Variants in ZNF385B observed in about 807,000 individuals in gnomAD.
ZNF385B encodes zinc finger protein 533.
In ZNF385B, 23 loss-of-function variants were observed where a neutral mutation model predicts 39.2. The ratio of observed to expected loss-of-function variants is 0.59; its 90% CI spans 0.42 to 0.83. The LOEUF is 0.83. ZNF385B is among the 40% of genes least tolerant of loss of function. ZNF385B has a pLI of 0.00. For missense variants in ZNF385B, 552 were observed against 598.9 expected (o/e 0.92, Z 0.82); for synonymous variants, 205 against 222.6 (o/e 0.92, Z 0.70).
intron 3 of ZNF385B, among the ~76,000 whole-genome samples, chr2:179,612,370 G>C (rs910749063): frequency 2.6e-5 from 4 of 152,016 alleles, no homozygotes; most frequent in African/African-American, 7.2e-5. Flanking sequence ...TCTTGGAGAG[G>C]CTTTCCAAGT....
intron 1 of ZNF385B, among the ~76,000 whole-genome samples, chr2:179,805,911 T>A (rs1389055681): frequency 2.0e-5 from 3 of 152,162 alleles, no homozygotes; most frequent in Non-Finnish European, 4.4e-5. Flanking sequence ...ATGCTAGACA[T>A]AAAAATAAAT....
intron 1 of ZNF385B, among the ~76,000 whole-genome samples, chr2:179,859,799 A>C (rs1684896453): frequency 6.6e-6 from 1 of 152,212 alleles, no homozygotes; most frequent in African/African-American, 2.4e-5. Context: ...TTGCATTCTA[A>C]AGGCATTTAT....
At chr2:179,503,125 T>C (rs149371646) in intron 5 of ZNF385B, among the ~76,000 whole-genome samples, 1 of 152,298 alleles carries the variant, frequency 6.6e-6, no homozygotes, top group East Asian at 1.9e-4. Flanking sequence ...TCTGACTGTC[T>C]CAGCTTCCCC....
intron 8 of ZNF385B, 47 bp downstream of exon 8, chr2:179,445,503 A>C: frequency 6.4e-7 from 1 of 1,555,340 alleles, no homozygotes; most frequent in Non-Finnish European, 8.7e-7. Context: ...ATACACAGTC[A>C]AGTGGTGACC....
intron 3 of ZNF385B, among the ~76,000 whole-genome samples, chr2:179,580,566 G>A (rs939230801): frequency 9.2e-5 from 14 of 152,236 alleles, no homozygotes; most frequent in African/African-American, 3.1e-4. Flanking sequence ...AAGGTCAAAT[G>A]AGGTAATAAA....
chr2:179,588,718 T>A (rs1687307267), intron 3 of ZNF385B, among the ~76,000 whole-genome samples: 1 of 152,194 alleles, frequency 6.6e-6, no homozygotes, highest in African/African-American at 2.4e-5. Flanking sequence ...GCCTGCCTAG[T>A]GACTGAAGAT....
At chr2:179,573,040 AT>A (rs780262012) in intron 3 of ZNF385B, among the ~76,000 whole-genome samples, 3 of 152,224 alleles carry the variant, frequency 2.0e-5, no homozygotes, top group Non-Finnish European at 4.4e-5. Flanking sequence ...ATTTTCAGAT[AT>A]TTCAAATCTT....
intron 4 of ZNF385B, among the ~76,000 whole-genome samples, chr2:179,529,077 G>A (rs574122187): frequency 4.6e-5 from 7 of 152,232 alleles, no homozygotes; most frequent in South Asian, 2.1e-4. Context: ...TGTTTTTGGC[G>A]TTGATGTTCC....
intron 5 of ZNF385B, among the ~76,000 whole-genome samples, chr2:179,509,563 C>T (rs919418863): frequency 6.6e-6 from 1 of 152,120 alleles, no homozygotes; most frequent in African/African-American, 2.4e-5. Flanking sequence ...TTCCCAAGTT[C>T]CTGAGATTTA....
Position 179,542,492 on chromosome 2 carries a change from T to G in ZNF385B, c.441+2335A>C, listed in dbSNP as rs563538632. On this transcript the variant is annotated intron_variant, in intron 4 of 9. Coordinates refer to ENST00000410066, the MANE Select transcript of ZNF385B (RefSeq NM_152520.6). ...AATGAACTTCTATTAATATAATTAT[T>G]CTTTGGGTTTTCTCAAATATATCAT... Among the ~76,000 whole-genome samples, 17 of 152,324 alleles carry G rather than the reference T, an allele frequency of 1.1e-4. No homozygotes were observed. The East Asian group carries it at 3.3e-3, about 29-fold the overall frequency.
intron 3 of ZNF385B, among the ~76,000 whole-genome samples, chr2:179,766,869 T>A (rs1237812787): frequency 6.6e-6 from 1 of 152,170 alleles, no homozygotes; most frequent in Non-Finnish European, 1.5e-5. Context: ...TTTTGTTTCT[T>A]ATTTAGGCGC....
At chr2:179,493,706 TACAC>T (rs1491258260) in intron 5 of ZNF385B, among the ~76,000 whole-genome samples, 13 of 135,776 alleles carry the variant, frequency 9.6e-5, no homozygotes, top group African/African-American at 3.4e-4. Context: ...CATATATGTA[TACAC>T]ATATGCATAT....
chr2:179,469,450 T>G (rs1368002477), intron 6 of ZNF385B, among the ~76,000 whole-genome samples: 1 of 152,118 alleles, frequency 6.6e-6, no homozygotes, highest in Non-Finnish European at 1.5e-5. Context: ...TTGTGTGAGG[T>G]CTAAGAACTC....
In ZNF385B at chr2:179,532,856, C is replaced by T. The variant is rs142741992; in HGVS notation, c.441+11971G>A. 3.3e-4 allele frequency among the ~76,000 whole-genome samples: 50 copies of T among 152,260 alleles called. 1 individual carries two copies. Among genetic ancestry groups the T allele is most frequent in the Admixed American group, 2.0e-3 (30 of 15,294 alleles). On this transcript the variant is annotated intron_variant, in intron 4 of 9. Coordinates refer to ENST00000410066, the MANE Select transcript of ZNF385B (RefSeq NM_152520.6). ...TATCAAACCACTACAGTTCCATTGG[C>T]CCTCCCAAAGCTGAGGTTAAAAGCT...
chr2:179,634,315 G>A (rs1353922845), intron 3 of ZNF385B, among the ~76,000 whole-genome samples: 13 of 152,004 alleles, frequency 8.6e-5, no homozygotes, highest in Admixed American at 8.5e-4. Context: ...CTGACAAAGG[G>A]CTAACATCCA....
intron 1 of ZNF385B, among the ~76,000 whole-genome samples, chr2:179,836,566 C>T (rs1215060538): frequency 2.8e-5 from 4 of 145,128 alleles, no homozygotes; most frequent in African/African-American, 7.7e-5. Context: ...GGCCAGACTG[C>T]GGACTGCAGT....
chr2:179,732,040 G>A (rs918640092), intron 3 of ZNF385B, among the ~76,000 whole-genome samples: 3 of 152,158 alleles, frequency 2.0e-5, no homozygotes, highest in Non-Finnish European at 4.4e-5. Context: ...GATTAAGATC[G>A]CTCTCTTTTT....
rs564593495 is a variant in ZNF385B, at chr2:179,769,557, C to G, written c.244G>C (p.Asp82His). Residue 82 changes from aspartate (D) to histidine (H), a missense_variant, in exon 3 of 10, where the codon GAT (aspartate) becomes CAT (histidine). By Grantham distance (81) the Asp-to-His change is moderately conservative (BLOSUM62 -1). Coordinates refer to ENST00000410066, the MANE Select transcript of ZNF385B (RefSeq NM_152520.6). ...TGGGCGGGTGGTGGGGGCTGCCCAT[C>G]ACTCAGCTGCTTCACTCGTTTGCGG... ...SHRKRVKQLS[D>H]GQPPPPAQAS... 6.2e-6 allele frequency: 10 copies of G among 1,614,078 alleles called. No homozygotes were observed.
rs138567348 is a variant in ZNF385B at position 179,484,011 on chromosome 2, T to A, written c.553-577A>T. On this transcript the variant is annotated intron_variant, in intron 5 of 9. Transcript: ENST00000410066. ...TGATTCCAGTTACAAGAACAGATAA[T>A]GTAAGCCACAAAGGAGGTAGGAAAA... Among the ~76,000 whole-genome samples, 3 of 152,292 alleles carry A rather than the reference T, an allele frequency of 2.0e-5. No homozygotes were observed. The East Asian group carries it at 5.8e-4, about 29-fold the overall frequency.
Sources: allele counts gnomAD v4.1 joint callset (sites outside exome capture counted in the v4.1 genomes callset), GRCh38; gene constraint gnomAD v4.1.1; transcripts MANE v1.5; gene names NCBI Gene and HGNC (gene_info 2026-07-23, HGNC 2026-07-21).